Variants in MYT1L observed in about 807,000 individuals in gnomAD.
MYT1L encodes myelin transcription factor 1-like protein.
In MYT1L, 12 loss-of-function variants were observed where a neutral mutation model predicts 126.7. The observed-to-expected ratio is 0.09, with a 90% CI of 0.06 to 0.15. The LOEUF is 0.15. Ranked by LOEUF, MYT1L falls within the 10% of genes least tolerant of loss-of-function variation. The pLI, the probability that MYT1L is intolerant of heterozygous loss-of-function variation, is 1.00. For missense variants in MYT1L, 979 were observed against 1,585.2 expected (o/e 0.62, Z 6.49); for synonymous variants, 541 against 604.2 (o/e 0.90, Z 1.53).
At chr2:1,883,051 C>A (rs1573195274) in intron 18 of MYT1L, among the ~76,000 whole-genome samples, 3 of 152,190 alleles carry the variant, frequency 2.0e-5, no homozygotes, top group African/African-American at 7.2e-5. Flanking sequence ...ACCAAAAGTA[C>A]AATCTGCTCA....
At chr2:2,104,866 C>T (rs2078553941) in intron 3 of MYT1L, among the ~76,000 whole-genome samples, 1 of 152,172 alleles carries the variant, frequency 6.6e-6, no homozygotes, top group Non-Finnish European at 1.5e-5. Context: ...CTGTTCTCAT[C>T]CGAAGTTCTG....
chr2:2,270,784 A>G (rs2095247385), intron 2 of MYT1L, among the ~76,000 whole-genome samples: 1 of 152,084 alleles, frequency 6.6e-6, no homozygotes, highest in Non-Finnish European at 1.5e-5. Context: ...CTCAGTCAGG[A>G]TGCCGTGCCC....
At chr2:1,938,215 T>C (rs1159271004) in intron 9 of MYT1L, among the ~76,000 whole-genome samples, 7 of 152,246 alleles carry the variant, frequency 4.6e-5, no homozygotes, top group Non-Finnish European at 7.3e-5. Context: ...TGTGTATACA[T>C]TGATTTAGAG....
intron 2 of MYT1L, among the ~76,000 whole-genome samples, chr2:2,197,963 T>C (rs1337814865): frequency 6.6e-6 from 1 of 151,708 alleles, no homozygotes; most frequent in Non-Finnish European, 1.5e-5. Context: ...ACAATGAATA[T>C]GTATAGGTAT....
At chr2:2,219,869 A>G (rs1301789633) in intron 2 of MYT1L, among the ~76,000 whole-genome samples, 1 of 148,360 alleles carries the variant, frequency 6.7e-6, no homozygotes, top group Non-Finnish European at 1.5e-5. Flanking sequence ...CAGAAAGTAA[A>G]AACGGCCTTG....
Position 1,923,121 on chromosome 2 carries a change from G to A in MYT1L, c.648C>T (p.Ala216=). 6.2e-7 allele frequency: 1 copy of A among 1,614,010 alleles called. No homozygotes were observed. The highest frequency in any genetic ancestry group is 8.5e-7 in the Non-Finnish European group (1 of 1,179,890). Residue 216 remains alanine, a synonymous_variant, in exon 10 of 25, where the codon GCC becomes GCT. Transcript: ENST00000647738. ...TTTCTGACTCAGTCCTGGCCCGGTA[G>A]GCTGCATCCTCAGCGATTTTGCCGA... ...LNLGKIAEDA[A]YRARTESEMN...
chr2:2,018,355 G>A (rs552385703), intron 4 of MYT1L, among the ~76,000 whole-genome samples: 4 of 152,190 alleles, frequency 2.6e-5, no homozygotes, highest in Non-Finnish European at 4.4e-5. Flanking sequence ...GAGCCCTCCC[G>A]CCATCCCACT....
At chr2:1,850,519 T>G (rs1216493007) in intron 19 of MYT1L, among the ~76,000 whole-genome samples, 2 of 152,138 alleles carry the variant, frequency 1.3e-5, no homozygotes, top group African/African-American at 4.8e-5. Flanking sequence ...ATTCACAGCA[T>G]GTAGTGGATT....
intron 2 of MYT1L, among the ~76,000 whole-genome samples, chr2:2,260,954 A>G (rs373382414): frequency 1.3e-5 from 2 of 152,204 alleles, no homozygotes; most frequent in East Asian, 3.8e-4. Context: ...TCTGAAACAC[A>G]CTACTCTCAG....
At chr2:1,921,036 A>G (rs1161450051) in intron 10 of MYT1L, among the ~76,000 whole-genome samples, 1 of 152,212 alleles carries the variant, frequency 6.6e-6, no homozygotes, top group African/African-American at 2.4e-5. Context: ...AGGTGCACAC[A>G]TTGAGAGGAG....
chr2:2,138,960 T>C (rs2148134568), intron 3 of MYT1L, among the ~76,000 whole-genome samples: 1 of 152,030 alleles, frequency 6.6e-6, no homozygotes, highest in East Asian at 1.9e-4. Flanking sequence ...CATGCCATTC[T>C]GTCTTCTAGG....
chr2:2,275,228 G>A (rs1255339281), intron 2 of MYT1L, among the ~76,000 whole-genome samples: 1 of 151,860 alleles, frequency 6.6e-6, no homozygotes, highest in Non-Finnish European at 1.5e-5. Flanking sequence ...GTGTGTGTGT[G>A]TGTGTGTGTG....
intron 14 of MYT1L, 79 bp from the exon 15 acceptor site, chr2:1,892,366 C>A: frequency 6.7e-7 from 1 of 1,490,726 alleles, no homozygotes; most frequent in Non-Finnish European, 9.0e-7. Flanking sequence ...GGCCTGCCCG[C>A]CCCGGCCTCA....
intron 3 of MYT1L, among the ~76,000 whole-genome samples, chr2:2,122,391 C>T (rs1229395857): frequency 2.0e-5 from 3 of 152,180 alleles, no homozygotes; most frequent in African/African-American, 7.2e-5. Flanking sequence ...GTGGCTGGAA[C>T]ACGGAAGCAC....
At chr2:1,794,766 G>A (rs1044069418) in intron 23 of MYT1L, among the ~76,000 whole-genome samples, 1 of 152,208 alleles carries the variant, frequency 6.6e-6, no homozygotes, top group Admixed American at 6.5e-5. Flanking sequence ...TGGGATGGGG[G>A]TGGCGGGGCT....
At chr2:1,974,178 T>A (rs4853815) in intron 8 of MYT1L, among the ~76,000 whole-genome samples, 64,811 of 152,028 alleles carry the variant, frequency 0.43, 16,435 homozygotes, top group African/African-American at 0.72. Context: ...AATCTTGGGA[T>A]ACTCACTTAG....
At chr2:1,967,138 C>T (rs925891867) in intron 8 of MYT1L, among the ~76,000 whole-genome samples, 12 of 152,204 alleles carry the variant, frequency 7.9e-5, no homozygotes, top group African/African-American at 2.9e-4. Flanking sequence ...TTCTAGTCCT[C>T]GCTTTAATCC....
intron 9 of MYT1L, among the ~76,000 whole-genome samples, chr2:1,928,860 G>A (rs528904351): frequency 6.6e-6 from 1 of 152,034 alleles, no homozygotes; most frequent in South Asian, 2.1e-4. Context: ...CCAGGACTCC[G>A]GACTGATATT....
chr2:1,849,336 T>C (rs1267437668), intron 19 of MYT1L, among the ~76,000 whole-genome samples: 2 of 134,272 alleles, frequency 1.5e-5, no homozygotes, highest in South Asian at 4.6e-4. Context: ...GTATATTTAA[T>C]TGGAGTTTTA....
Sources: gnomAD v4.1 joint callset for allele counts (sites outside exome capture counted in the v4.1 genomes callset) on GRCh38, gnomAD v4.1.1 for gene constraint, MANE v1.5 for transcripts, NCBI Gene and HGNC (gene_info 2026-07-23, HGNC 2026-07-21) for gene names.